The following FHIT variants were observed in gnomAD, a reference collection of about 807,000 sequenced individuals.
FHIT encodes the protein fragile histidine triad diadenosine triphosphatase.
Under a neutral mutation model 17.9 loss-of-function variants are expected in FHIT, and 19 were observed. The ratio of observed to expected loss-of-function variants is 1.06; its 90% CI spans 0.74 to 1.56. FHIT has a LOEUF of 1.56. Among genes scored for constraint, FHIT ranks in the 40% most tolerant of loss-of-function variants. FHIT has a pLI of 0.00. For missense variants in FHIT, 248 were observed against 189.2 expected (o/e 1.31, Z -1.82); for synonymous variants, 81 against 69.7 (o/e 1.16, Z -0.81).
chr3:59,876,981 T>C (rs1372658564), intron 8 of FHIT, among the ~76,000 whole-genome samples: 1 of 152,132 alleles, frequency 6.6e-6, no homozygotes, highest in Non-Finnish European at 1.5e-5. Context: ...AAGAGACACA[T>C]AAGAAGAAAT....
intron 5 of FHIT, among the ~76,000 whole-genome samples, chr3:60,265,536 A>G (rs1195056007): frequency 6.6e-6 from 1 of 152,012 alleles, no homozygotes; most frequent in Non-Finnish European, 1.5e-5. Flanking sequence ...GCAAAAGCAC[A>G]AGCAACGACA....
intron 8 of FHIT, among the ~76,000 whole-genome samples, chr3:59,782,676 TATTA>T (rs1294053647): frequency 1.3e-5 from 2 of 152,200 alleles, no homozygotes; most frequent in African/African-American, 4.8e-5. Flanking sequence ...TACCTCAGGC[TATTA>T]GTTTTATTAA....
chr3:61,014,838 TTATATATGTA>T (rs1300400300), intron 3 of FHIT, among the ~76,000 whole-genome samples: 43 of 133,524 alleles, frequency 3.2e-4, no homozygotes, highest in Non-Finnish European at 4.6e-4. Context: ...ATACACATCC[TTATATATGTA>T]TATATATGTA....
intron 3 of FHIT, among the ~76,000 whole-genome samples, chr3:60,906,548 T>C (rs1489442262): frequency 2.0e-5 from 3 of 152,178 alleles, no homozygotes; most frequent in African/African-American, 7.2e-5. Context: ...GCTTGACTGA[T>C]TCTTGATTGG....
intron 5 of FHIT, among the ~76,000 whole-genome samples, chr3:60,364,627 G>T (rs1254886265): frequency 6.6e-6 from 1 of 152,180 alleles, no homozygotes; most frequent in African/African-American, 2.4e-5. Flanking sequence ...TGTACATGCT[G>T]GTTCATTCTA....
intron 3 of FHIT, among the ~76,000 whole-genome samples, chr3:60,892,897 AC>A (rs781787957): frequency 3.3e-4 from 50 of 152,340 alleles, no homozygotes; most frequent in Admixed American, 7.8e-4. Flanking sequence ...TTAAAAAAAT[AC>A]AGCTTTAACT....
chr3:60,589,763 A>C (rs1292716072), intron 4 of FHIT, among the ~76,000 whole-genome samples: 3 of 152,058 alleles, frequency 2.0e-5, no homozygotes, highest in African/African-American at 7.2e-5. Flanking sequence ...ACCTTCACCA[A>C]AGCAGTATAT....
intron 5 of FHIT, among the ~76,000 whole-genome samples, chr3:60,325,331 A>G (rs930106768): frequency 6.6e-6 from 1 of 152,184 alleles, no homozygotes; most frequent in African/African-American, 2.4e-5. Context: ...GACTGTCACT[A>G]AAAACTTTTG....
At chr3:59,857,150 T>A (rs567055330) in intron 8 of FHIT, among the ~76,000 whole-genome samples, 10 of 152,330 alleles carry the variant, frequency 6.6e-5, no homozygotes, top group African/African-American at 2.4e-4. Context: ...ATGGAATGTG[T>A]TCACCTTTTC....
At chr3:61,137,971 A>T (rs555683954) in intron 2 of FHIT, among the ~76,000 whole-genome samples, 1 of 152,290 alleles carries the variant, frequency 6.6e-6, no homozygotes, top group African/African-American at 2.4e-5. Context: ...AGTGGCTACA[A>T]GTATGAGCTC....
At chr3:60,437,025 T>C (rs778296779) in intron 5 of FHIT, among the ~76,000 whole-genome samples, 8 of 152,126 alleles carry the variant, frequency 5.3e-5, no homozygotes, top group Non-Finnish European at 1.0e-4. Context: ...TCGTATTTTG[T>C]ACTTTCCTAT....
intron 5 of FHIT, among the ~76,000 whole-genome samples, chr3:60,073,232 A>G (rs1025338229): frequency 6.6e-6 from 1 of 152,180 alleles, no homozygotes; most frequent in Non-Finnish European, 1.5e-5. Context: ...ATTAAGTAGT[A>G]GAGATGGTTG....
intron 8 of FHIT, among the ~76,000 whole-genome samples, chr3:59,871,090 A>G (rs1187389599): frequency 6.6e-6 from 1 of 152,154 alleles, no homozygotes; most frequent in Admixed American, 6.5e-5. Context: ...CTTATCCAAG[A>G]CTGACAACTT....
intron 5 of FHIT, among the ~76,000 whole-genome samples, chr3:60,434,633 C>T (rs1050548210): frequency 4.6e-5 from 7 of 152,082 alleles, no homozygotes; most frequent in African/African-American, 1.7e-4. Flanking sequence ...TTCAAACTGT[C>T]TTTTCAAACC....
At chr3:60,689,589 A>T (rs2040940857) in intron 4 of FHIT, among the ~76,000 whole-genome samples, 1 of 152,172 alleles carries the variant, frequency 6.6e-6, no homozygotes, top group Non-Finnish European at 1.5e-5. Context: ...CAGGCTGCAC[A>T]TTCTTTTCTC....
chr3:61,094,903 A>G (rs1346182811), intron 2 of FHIT, among the ~76,000 whole-genome samples: 1 of 152,168 alleles, frequency 6.6e-6, no homozygotes, highest in African/African-American at 2.4e-5. Flanking sequence ...TGCAATTTAA[A>G]ATTTATACAT....
intron 5 of FHIT, among the ~76,000 whole-genome samples, chr3:60,516,405 T>C (rs915391836): frequency 5.3e-5 from 8 of 152,142 alleles, no homozygotes; most frequent in East Asian, 3.9e-4. Context: ...CGCTAAAGCA[T>C]AGGAAGAAGT....
intron 1 of FHIT, among the ~76,000 whole-genome samples, chr3:61,213,730 T>C (rs1275701955): frequency 6.6e-6 from 1 of 152,170 alleles, no homozygotes; most frequent in Non-Finnish European, 1.5e-5. Flanking sequence ...ACCACACCTA[T>C]TCCAAAATTG....
chr3:59,924,939 G>A (rs1393349066), intron 7 of FHIT, among the ~76,000 whole-genome samples: 2 of 152,238 alleles, frequency 1.3e-5, no homozygotes, highest in Non-Finnish European at 2.9e-5. Context: ...GCTTCTGCCA[G>A]TGTGGGCACG....
Sources: gnomAD v4.1 joint callset for allele counts (sites outside exome capture counted in the v4.1 genomes callset) on GRCh38, gnomAD v4.1.1 for gene constraint, MANE v1.5 for transcripts, NCBI Gene and HGNC (gene_info 2026-07-23, HGNC 2026-07-21) for gene names.